The following CSE1L variants were observed in gnomAD, a reference collection of about 807,000 sequenced individuals.
CSE1L encodes chromosome segregation 1 like, also known as exportin-2.
A neutral mutation model predicts 120.4 loss-of-function variants in CSE1L; 24 were observed. The observed-to-expected ratio is 0.20, with a 90% CI of 0.14 to 0.28. The LOEUF (loss-of-function observed/expected upper bound fraction) is 0.28, where lower values mean the gene tolerates loss of function less well. Among genes scored for constraint, CSE1L ranks in the 10% least tolerant of loss-of-function variants. CSE1L has a pLI of 1.00. For synonymous variants in CSE1L, 402 were observed against 398.3 expected (o/e 1.01, Z -0.11); for missense variants, 830 against 1,145.2 (o/e 0.72, Z 3.97).
Position 49,068,563 on chromosome 20 carries a change from C to T in CSE1L, c.568-152C>T, listed in dbSNP as rs900314296. 10 of 521,752 alleles carry T rather than the reference C, an allele frequency of 1.9e-5. 1 individual carries two copies. Among genetic ancestry groups the T allele is most frequent in the Middle Eastern group, 3.3e-4 (1 of 3,072 alleles). The allele number at this position is 521,752 out of a possible 1,614,324, so 32.3% of individuals were successfully genotyped here. A position where few individuals can be genotyped will look rare whatever the true frequency, so the allele number is the denominator to read the frequency against. On this transcript the variant is annotated intron_variant, in intron 6 of 24. Coordinates refer to ENST00000262982, the MANE Select transcript of CSE1L (RefSeq NM_001316.4). ...GCAGCGAGCCGAGATTGTGCCACTG[C>T]GCTCCAGCCTGGACGACAGAGCAAG...
chr20:49,052,935 T>C (rs2123649095), intron 1 of CSE1L, among the ~76,000 whole-genome samples: 1 of 152,220 alleles, frequency 6.6e-6, no homozygotes, highest in East Asian at 1.9e-4. Flanking sequence ...CTAAGGAGTT[T>C]TAGTTGAGAA....
chr20:49,068,877 TTTTC>T, intron 7 of CSE1L, 55 bp downstream of exon 7: 1 of 1,243,456 alleles, frequency 8.0e-7, no homozygotes, highest in South Asian at 1.2e-5. Flanking sequence ...TTAAATAGAG[TTTTC>T]TTTCTGTTTG....
In CSE1L at chr20:49,063,206, G is replaced by C; in HGVS notation, c.90G>C (p.Glu30Asp). 6.4e-7 allele frequency: 1 copy of C among 1,573,810 alleles called. No homozygotes were observed. The highest frequency in any genetic ancestry group is 8.6e-7 in the Non-Finnish European group (1 of 1,166,148). The stretch of plus-strand genomic sequence containing the variant: ...AACATGAAAATTCTTTTACAGCTGA[G>C]AAATTTCTTGAATCTGTTGAAGGAA... ...DPDPAIRRPA[E>D]KFLESVEGNQ... Residue 30 changes from glutamate to aspartate, a missense_variant, in exon 3 of 25, where the codon GAG becomes GAC. Physicochemically the swap from Glu to Asp is conservative, Grantham distance 45. Coordinates refer to ENST00000262982, the MANE Select transcript of CSE1L (RefSeq NM_001316.4).
At chr20:49,058,364 G>C in intron 1 of CSE1L, 89 bp from the exon 2 acceptor site, 2 of 912,038 alleles carry the variant, frequency 2.2e-6, no homozygotes, top group Non-Finnish European at 1.7e-6. Flanking sequence ...CTTTCAGAGA[G>C]AATAACCCAT....
chr20:49,073,287 G>T (rs758155749), intron 10 of CSE1L, among the ~76,000 whole-genome samples: 17 of 152,002 alleles, frequency 1.1e-4, no homozygotes, highest in Admixed American at 2.6e-4. Context: ...TGCTGGGATT[G>T]CATTTCTGAG....
chr20:49,083,510 C>G (rs1473305754), intron 14 of CSE1L, among the ~76,000 whole-genome samples: 1 of 152,092 alleles, frequency 6.6e-6, no homozygotes, highest in Non-Finnish European at 1.5e-5. Context: ...AGCAATTGTT[C>G]TACCTTGGCT....
At chr20:49,079,383 C>T (rs995988191) in intron 14 of CSE1L, among the ~76,000 whole-genome samples, 3 of 151,844 alleles carry the variant, frequency 2.0e-5, no homozygotes, top group Admixed American at 6.6e-5. Flanking sequence ...TCTGCCACCA[C>T]GCCTGGCTGA....
Position 49,075,298 on chromosome 20 carries a change from A to C in CSE1L, c.1133-20A>C. On this transcript the variant is annotated intron_variant, in intron 11 of 24. Transcript: ENST00000262982. ...TGGTTGTTTTTTTTCCCCATAATAT[A>C]TTTTCTTTTCATTTCATAGATATTG... 1 of 1,581,392 alleles carries C rather than the reference A, an allele frequency of 6.3e-7. No homozygotes were observed. The highest frequency in any genetic ancestry group is 8.7e-7 in the Non-Finnish European group (1 of 1,155,776).
Position 49,094,228 on chromosome 20 carries a change from A to G in CSE1L, c.2536A>G (p.Ile846Val), listed in dbSNP as rs760137138. Residue 846 changes from isoleucine (I) to valine (V), a missense_variant, in exon 23 of 25, where the codon ATA (isoleucine) becomes GTA (valine). By Grantham distance (29) the Ile-to-Val change is conservative (BLOSUM62 3). This residue lies in a region of CSE1L where 112 missense variants were observed against 200.0 expected (regional missense o/e 0.56). Transcript: ENST00000262982. Reference protein sequence around the residue: ...NVEKKICAVGITKLLTECPPM... With the variant: ...NVEKKICAVGVTKLLTECPPM... ...AGAGAAAAAGATCTGTGCGGTTGGC[A>G]TAACCAAATTACTAACAGAATGTCC... The G allele has an allele frequency of 9.3e-6, 15 of 1,612,914 alleles. No homozygotes were observed. Among genetic ancestry groups the G allele is most frequent in the Non-Finnish European group, 1.3e-5 (15 of 1,179,196 alleles).
intron 2 of CSE1L, among the ~76,000 whole-genome samples, chr20:49,060,523 C>T (rs1159504018): frequency 6.6e-6 from 1 of 151,562 alleles, no homozygotes; most frequent in Non-Finnish European, 1.5e-5. Context: ...CGCCTGTAAT[C>T]CCAGCACTTT....
intron 14 of CSE1L, among the ~76,000 whole-genome samples, chr20:49,081,023 G>T (rs1389583754): frequency 1.2e-4 from 18 of 146,550 alleles, no homozygotes; most frequent in African/African-American, 4.1e-4. Flanking sequence ...TTGCTCTGTT[G>T]CCCAGGCTGG....
At chr20:49,070,363 G>A in intron 8 of CSE1L, 66 bp downstream of exon 8, 2 of 754,426 alleles carry the variant, frequency 2.7e-6, no homozygotes, top group South Asian at 1.6e-5. Context: ...GCTACAGTCT[G>A]GAAACCTATT....
chr20:49,082,644 C>T (rs1026952729), intron 14 of CSE1L, among the ~76,000 whole-genome samples: 5 of 152,080 alleles, frequency 3.3e-5, no homozygotes, highest in African/African-American at 7.2e-5. Flanking sequence ...CTCAGCCTCG[C>T]GATAGCTGGG....
chr20:49,094,365 T>G, intron 23 of CSE1L, 79 bp downstream of exon 23: 4 of 1,373,122 alleles, frequency 2.9e-6, no homozygotes, highest in Non-Finnish European at 4.1e-6. Context: ...GCTTATTCTC[T>G]TGGGGGCCAA....
intron 13 of CSE1L, among the ~76,000 whole-genome samples, chr20:49,077,440 G>A (rs1020259564): frequency 3.9e-5 from 6 of 152,272 alleles, no homozygotes; most frequent in African/African-American, 1.4e-4. Context: ...GATTGCAGGC[G>A]TGAGCCTCCA....
intron 1 of CSE1L, among the ~76,000 whole-genome samples, chr20:49,058,000 A>G (rs1024262104): frequency 4.0e-5 from 6 of 151,766 alleles, no homozygotes; most frequent in Non-Finnish European, 5.9e-5. Context: ...TTAACTCCTG[A>G]GCTCAAGCAG....
At chr20:49,080,753 G>T (rs1281431957) in intron 14 of CSE1L, among the ~76,000 whole-genome samples, 1 of 152,132 alleles carries the variant, frequency 6.6e-6, no homozygotes, top group East Asian at 1.9e-4. Flanking sequence ...TAGGATTACA[G>T]GCATGAGCCA....
At chr20:49,059,779 C>G (rs1326215292) in intron 2 of CSE1L, among the ~76,000 whole-genome samples, 1 of 151,976 alleles carries the variant, frequency 6.6e-6, no homozygotes, top group African/African-American at 2.4e-5. Flanking sequence ...GCTCAAGAGG[C>G]TGAGGCAGGA....
chr20:49,079,237 T>A (rs991708873), intron 14 of CSE1L, among the ~76,000 whole-genome samples: 5 of 151,412 alleles, frequency 3.3e-5, no homozygotes, highest in Non-Finnish European at 7.4e-5. Flanking sequence ...AATTTTTTTT[T>A]ATTTTTTTGA....
Sources: allele counts gnomAD v4.1 joint callset (sites outside exome capture counted in the v4.1 genomes callset), GRCh38; gene constraint gnomAD v4.1.1; regional missense constraint gnomAD v4.1.1; transcripts MANE v1.5; gene names NCBI Gene and HGNC (gene_info 2026-07-23, HGNC 2026-07-21).